The following SORCS3 variants were observed in gnomAD, a reference collection of about 807,000 sequenced individuals.
The protein encoded by SORCS3 is VPS10 domain-containing receptor SorCS3.
SORCS3 carries 57 observed loss-of-function variants against 146.3 expected under a neutral mutation model. The observed-to-expected ratio is 0.39, with a 90% CI of 0.31 to 0.49. SORCS3 has a LOEUF of 0.49. Among genes scored for constraint, SORCS3 ranks in the 20% least tolerant of loss-of-function variants. SORCS3 has a pLI of 0.92. For missense variants in SORCS3, 1,341 were observed against 1,575.5 expected (o/e 0.85, Z 2.52); for synonymous variants, 653 against 618.5 (o/e 1.06, Z -0.83).
At chr10:105,048,116 G>A (rs1481789678) in intron 5 of SORCS3, among the ~76,000 whole-genome samples, 1 of 151,840 alleles carries the variant, frequency 6.6e-6, no homozygotes, top group Non-Finnish European at 1.5e-5. Flanking sequence ...CATTGTGGAA[G>A]TCAGTGTGGC....
At chr10:105,003,633 T>C (rs1049254047) in intron 4 of SORCS3, among the ~76,000 whole-genome samples, 1 of 152,202 alleles carries the variant, frequency 6.6e-6, no homozygotes, top group Non-Finnish European at 1.5e-5. Context: ...TTACATAAAC[T>C]GTACAAACCA....
intron 1 of SORCS3, among the ~76,000 whole-genome samples, chr10:104,663,383 G>T (rs1446272577): frequency 6.6e-6 from 1 of 152,114 alleles, no homozygotes; most frequent in Non-Finnish European, 1.5e-5. Flanking sequence ...GGCAGAGGGG[G>T]GATTTACTCC....
chr10:105,158,640 A>T (rs1239085403), intron 10 of SORCS3, among the ~76,000 whole-genome samples: 1 of 151,746 alleles, frequency 6.6e-6, no homozygotes, highest in East Asian at 1.9e-4. Flanking sequence ...GGTGAGGAAG[A>T]GAGGGAAAGG....
chr10:105,215,654 G>A (rs1051157380), intron 18 of SORCS3, among the ~76,000 whole-genome samples: 7 of 152,128 alleles, frequency 4.6e-5, no homozygotes, highest in East Asian at 1.9e-4. Flanking sequence ...GATCTTATCC[G>A]TTTGAATTGC....
At chr10:104,775,133 A>G (rs1564680603) in intron 1 of SORCS3, among the ~76,000 whole-genome samples, 1 of 152,196 alleles carries the variant, frequency 6.6e-6, no homozygotes. Context: ...TATGGTATGC[A>G]ACATGGGATT....
At chr10:105,207,387 A>T (rs915954239) in intron 16 of SORCS3, among the ~76,000 whole-genome samples, 1 of 151,986 alleles carries the variant, frequency 6.6e-6, no homozygotes, top group Non-Finnish European at 1.5e-5. Context: ...GTTCCCGGAA[A>T]TGAAAAAGTT....
intron 4 of SORCS3, among the ~76,000 whole-genome samples, chr10:104,982,897 C>T (rs1213084737): frequency 2.0e-5 from 3 of 152,190 alleles, no homozygotes; most frequent in Admixed American, 6.5e-5. Flanking sequence ...CAGTAAGGAT[C>T]TCCATTCATG....
At chr10:104,943,149 A>G (rs2019337131) in intron 3 of SORCS3, among the ~76,000 whole-genome samples, 1 of 152,150 alleles carries the variant, frequency 6.6e-6, no homozygotes, top group African/African-American at 2.4e-5. Context: ...TTTTTTTAAG[A>G]GACGGAGTTT....
intron 1 of SORCS3, among the ~76,000 whole-genome samples, chr10:104,696,894 A>G (rs2016222908): frequency 6.7e-6 from 1 of 149,680 alleles, no homozygotes; most frequent in African/African-American, 2.5e-5. Flanking sequence ...AAAGACAAAT[A>G]CTGCATAATC....
intron 13 of SORCS3, among the ~76,000 whole-genome samples, chr10:105,170,933 A>G (rs553318169): frequency 6.6e-6 from 1 of 152,252 alleles, no homozygotes; most frequent in East Asian, 1.9e-4. Context: ...TTAAGTGACA[A>G]CCCTCAAGGT....
At chr10:105,199,511 A>G (rs2056562572) in intron 14 of SORCS3, among the ~76,000 whole-genome samples, 1 of 152,140 alleles carries the variant, frequency 6.6e-6, no homozygotes, top group African/African-American at 2.4e-5. Context: ...TTGTACTTTA[A>G]ATTAGCAAAT....
intron 22 of SORCS3, among the ~76,000 whole-genome samples, chr10:105,248,761 A>G (rs914304474): frequency 1.3e-5 from 2 of 151,562 alleles, no homozygotes; most frequent in Middle Eastern, 3.4e-3. Context: ...AATGGCAAAG[A>G]GTTTGGTGTA....
At chr10:104,884,153 G>A (rs1262696782) in intron 2 of SORCS3, among the ~76,000 whole-genome samples, 1 of 152,142 alleles carries the variant, frequency 6.6e-6, no homozygotes, top group African/African-American at 2.4e-5. Context: ...TTCTTGGCAG[G>A]CCAAGTCAAA....
At chr10:105,182,775 A>G (rs1294188711) in intron 14 of SORCS3, among the ~76,000 whole-genome samples, 2 of 152,252 alleles carry the variant, frequency 1.3e-5, no homozygotes, top group South Asian at 4.1e-4. Flanking sequence ...GGTTCACTGC[A>G]GCCTTGACCT....
At chr10:104,773,243 A>G (rs1205865437) in intron 1 of SORCS3, among the ~76,000 whole-genome samples, 1 of 152,176 alleles carries the variant, frequency 6.6e-6, no homozygotes, top group Non-Finnish European at 1.5e-5. Flanking sequence ...TCCTTGCAGC[A>G]TGCTAGCATG....
At chr10:105,062,871 A>G (rs1168115130) in intron 5 of SORCS3, among the ~76,000 whole-genome samples, 1 of 152,090 alleles carries the variant, frequency 6.6e-6, no homozygotes, top group Non-Finnish European at 1.5e-5. Flanking sequence ...GCTCCATCAG[A>G]CACCTTTTGG....
chr10:104,819,747 T>C (rs1332061126), intron 1 of SORCS3, among the ~76,000 whole-genome samples: 2 of 152,146 alleles, frequency 1.3e-5, no homozygotes, highest in Non-Finnish European at 2.9e-5. Context: ...GGGCCTGACA[T>C]CTAAGCCTTG....
intron 1 of SORCS3, among the ~76,000 whole-genome samples, chr10:104,685,119 G>C (rs1250632543): frequency 6.6e-6 from 1 of 152,046 alleles, no homozygotes; most frequent in East Asian, 1.9e-4. Context: ...AGCCTGGCCT[G>C]AAAGTACTCA....
At position 105,056,739 on chromosome 10, in the gene SORCS3, G is replaced by A. The variant is rs191372988; in HGVS notation, c.1028+13611G>A. 1.5e-4 allele frequency among the ~76,000 whole-genome samples: 23 copies of A among 152,210 alleles called. No homozygotes were observed. The East Asian group carries it at 2.1e-3, about 14-fold the overall frequency. On this transcript the variant is annotated intron_variant, in intron 5 of 26. Coordinates refer to ENST00000369701, the MANE Select transcript of SORCS3 (RefSeq NM_014978.3). ...TTATACAGTTGTACACTTTAAATGCGTGTACCAAATGTACATTTTTTGAAA... is the reference window on the plus strand; with the variant it reads ...TTATACAGTTGTACACTTTAAATGCATGTACCAAATGTACATTTTTTGAAA...
Sources: gnomAD v4.1 joint callset for allele counts (sites outside exome capture counted in the v4.1 genomes callset) on GRCh38, gnomAD v4.1.1 for gene constraint, MANE v1.5 for transcripts, NCBI Gene and HGNC (gene_info 2026-07-23, HGNC 2026-07-21) for gene names.